Variants in ATXN1 observed in about 807,000 individuals in gnomAD.
ATXN1 encodes ataxin 1.
ATXN1 carries 8 observed loss-of-function variants against 56.4 expected under a neutral mutation model. That is an observed-to-expected ratio of 0.14 (90% CI 0.08 to 0.26). The LOEUF is 0.26. Among genes scored for constraint, ATXN1 ranks in the 10% least tolerant of loss-of-function variants. The probability of loss-of-function intolerance (pLI) is 1.00; values close to 1 mark genes in which losing one functional copy is unlikely to be tolerated. For synonymous variants in ATXN1, 514 were observed against 494.6 expected (o/e 1.04, Z -0.52); for missense variants, 987 against 1,106.5 (o/e 0.89, Z 1.53).
chr6:16,678,912 T>C (rs1758741491), intron 2 of ATXN1, among the ~76,000 whole-genome samples: 1 of 152,060 alleles, frequency 6.6e-6, no homozygotes, highest in South Asian at 2.1e-4. Flanking sequence ...GGAGCATGCC[T>C]ATAATCCCAG....
At chr6:16,660,106 A>G (rs907620467) in intron 2 of ATXN1, among the ~76,000 whole-genome samples, 1 of 152,222 alleles carries the variant, frequency 6.6e-6, no homozygotes, top group Admixed American at 6.5e-5. Context: ...AAACAACTGA[A>G]AATTCTACAC....
chr6:16,586,979 C>G (rs1581863970), intron 3 of ATXN1, among the ~76,000 whole-genome samples: 1 of 151,716 alleles, frequency 6.6e-6, no homozygotes, highest in African/African-American at 2.4e-5. Flanking sequence ...GATCATGCCA[C>G]TGCACTCCAG....
At chr6:16,312,974 T>C (rs921468268) in intron 7 of ATXN1, among the ~76,000 whole-genome samples, 8 of 152,114 alleles carry the variant, frequency 5.3e-5, no homozygotes, top group Non-Finnish European at 8.8e-5. Flanking sequence ...GCTTCCTAGG[T>C]TCAAGCTATT....
At chr6:16,606,867 T>TGTGTGTGTGTGTGTGTG (rs1554119511) in intron 3 of ATXN1, among the ~76,000 whole-genome samples, 41 of 126,806 alleles carry the variant, frequency 3.2e-4, no homozygotes, top group African/African-American at 1.2e-3. Flanking sequence ...GTTCCATGAG[T>TGTGTGTGTGTGTGTGTG]TGTGTGTGTG....
At chr6:16,750,968 CTT>C (rs35690453) in intron 2 of ATXN1, among the ~76,000 whole-genome samples, 21 of 135,816 alleles carry the variant, frequency 1.5e-4, no homozygotes, top group East Asian at 4.3e-4. Flanking sequence ...TCTTTCCTCT[CTT>C]TTTTTTTTTT....
chr6:16,326,611 G>A lies in ATXN1; in HGVS notation c.1700C>T (p.Pro567Leu), dbSNP rs760889215. The A allele has an allele frequency of 2.9e-5, 46 of 1,613,980 alleles. No homozygotes were observed. In the Admixed American group the frequency reaches 7.0e-4, roughly 25 times the overall value. ...CATGAAGTAGGGAGGCAGCGTAGGG[G>A]GAGCCGCCGCCGGGGAGGCCACGGA... ...VQSVASPAAAPPTLPPYFMKG... is the reference protein window; with the variant it reads ...VQSVASPAAALPTLPPYFMKG... The change falls in exon 7 of 8, where the codon CCC (proline) becomes CTC (leucine). Residue 567 changes from proline to leucine, a missense_variant. Physicochemically the swap from Pro to Leu is moderately conservative, Grantham distance 98. Around this residue, in one of 3 missense-constraint regions of ATXN1, gnomAD observed 723 missense variants for 791.7 expected, o/e 0.91. Coordinates refer to ENST00000436367, the MANE Select transcript of ATXN1 (RefSeq NM_001128164.2). This position sits in a 1 kb window ranked among gnomAD's most constrained non-coding sequence, Gnocchi z 6.6.
At chr6:16,346,374 A>T (rs953975897) in intron 6 of ATXN1, among the ~76,000 whole-genome samples, 1 of 151,894 alleles carries the variant, frequency 6.6e-6, no homozygotes, top group African/African-American at 2.4e-5. Flanking sequence ...CAGCCTATTT[A>T]ATTTATTTTT....
In ATXN1 at chr6:16,409,997, G is replaced by A. The variant is rs184727769; in HGVS notation, c.-161+75975C>T. Among the ~76,000 whole-genome samples, 4 of 152,346 alleles carry A rather than the reference G, an allele frequency of 2.6e-5. No individual in the cohort carries two copies. In the East Asian group the frequency reaches 7.7e-4, roughly 29 times the overall value. ...AAATTAACCCTTCAAGACTGGGCAT[G>A]TGTCCAGTGATGCTCTGAAGCTGGC... On this transcript the variant is annotated intron_variant, in intron 6 of 7. Coordinates refer to ENST00000436367, the MANE Select transcript of ATXN1 (RefSeq NM_001128164.2).
chr6:16,454,794 C>G (rs1478791137), intron 6 of ATXN1, among the ~76,000 whole-genome samples: 1 of 152,164 alleles, frequency 6.6e-6, no homozygotes, highest in African/African-American at 2.4e-5. Context: ...TTATAGTAGA[C>G]AGCAAAACCA....
intron 6 of ATXN1, among the ~76,000 whole-genome samples, chr6:16,426,875 GA>G (rs147467180): frequency 0.028 from 3,813 of 134,646 alleles, 63 homozygotes; most frequent in Non-Finnish European, 0.042. Flanking sequence ...CTGGGGGAAA[GA>G]AAAAAAAAAA....
At chr6:16,489,298 A>G (rs941744365) in intron 5 of ATXN1, among the ~76,000 whole-genome samples, 1 of 152,134 alleles carries the variant, frequency 6.6e-6, no homozygotes, top group Admixed American at 6.5e-5. Flanking sequence ...CAAAAGAATC[A>G]CCAGTCTACA....
chr6:16,628,916 G>C (rs1400209437), intron 3 of ATXN1, among the ~76,000 whole-genome samples: 2 of 152,134 alleles, frequency 1.3e-5, no homozygotes, highest in Non-Finnish European at 2.9e-5. Flanking sequence ...GAATAGTGCT[G>C]CAATGAACAT....
intron 2 of ATXN1, among the ~76,000 whole-genome samples, chr6:16,671,900 C>T (rs1758548194): frequency 6.6e-6 from 1 of 152,148 alleles, no homozygotes; most frequent in South Asian, 2.1e-4. Flanking sequence ...CCTCTAACAT[C>T]AGTATTATGC....
rs80006940 is a variant in ATXN1 at position 16,700,564 on chromosome 6, G to A, written c.-614-42663C>T. Among the ~76,000 whole-genome samples the A allele has an allele frequency of 1.3e-3, 191 of 152,250 alleles. 5 individuals carry two copies. In the East Asian group the frequency reaches 0.031, roughly 25 times the overall value. On this transcript the variant is annotated intron_variant, in intron 2 of 7. Coordinates refer to ENST00000436367, the MANE Select transcript of ATXN1 (RefSeq NM_001128164.2). ...AGCTGCTGAATCCTGGCCATTTACA[G>A]AGCAGCACAAAACTAGTCCTGTTCC...
intron 4 of ATXN1, among the ~76,000 whole-genome samples, chr6:16,551,477 C>A (rs916991069): frequency 2.0e-5 from 3 of 152,024 alleles, no homozygotes; most frequent in Non-Finnish European, 4.4e-5. Context: ...GTTCAAGAGA[C>A]CATTGCGGTT....
At chr6:16,391,540 C>T (rs138692593) in intron 6 of ATXN1, among the ~76,000 whole-genome samples, 7 of 152,170 alleles carry the variant, frequency 4.6e-5, no homozygotes, top group East Asian at 3.9e-4. Flanking sequence ...TTCTCTGTGA[C>T]GGAGGAAATT....
At chr6:16,672,180 TC>T (rs1276690264) in intron 2 of ATXN1, among the ~76,000 whole-genome samples, 6 of 152,104 alleles carry the variant, frequency 3.9e-5, no homozygotes, top group South Asian at 2.1e-4. Flanking sequence ...CCCACACCTT[TC>T]CCCCCAACAC....
At chr6:16,515,784 G>C (rs1277355812) in intron 5 of ATXN1, among the ~76,000 whole-genome samples, 2 of 152,210 alleles carry the variant, frequency 1.3e-5, no homozygotes, top group Admixed American at 1.3e-4. Context: ...CAGGACCCCA[G>C]ATGAAAGATG....
chr6:16,461,235 G>T (rs1386466854), intron 6 of ATXN1, among the ~76,000 whole-genome samples: 1 of 152,232 alleles, frequency 6.6e-6, no homozygotes, highest in African/African-American at 2.4e-5. Context: ...GATCGAAACA[G>T]AATGGGGACT....
Sources: allele counts gnomAD v4.1 joint callset (sites outside exome capture counted in the v4.1 genomes callset), GRCh38; gene constraint gnomAD v4.1.1; regional missense constraint gnomAD v4.1.1; non-coding constraint Gnocchi (gnomAD v3.1); transcripts MANE v1.5; gene names NCBI Gene and HGNC (gene_info 2026-07-23, HGNC 2026-07-21).